The following FOXN3 variants were observed in gnomAD, a reference collection of about 807,000 sequenced individuals.
The protein encoded by FOXN3 is forkhead box N3, also known as forkhead box protein N3.
A neutral mutation model predicts 38.4 loss-of-function variants in FOXN3; 7 were observed. The observed-to-expected ratio is 0.18, with a 90% CI of 0.10 to 0.34. FOXN3 has a LOEUF of 0.34. Among genes scored for constraint, FOXN3 ranks in the 10% least tolerant of loss-of-function variants. FOXN3 has a pLI of 1.00. For synonymous variants in FOXN3, 230 were observed against 242.2 expected (o/e 0.95, Z 0.47); for missense variants, 456 against 613.4 (o/e 0.74, Z 2.71).
Position 89,284,500 on chromosome 14 carries a change from A to T in FOXN3, c.681-3486T>A, listed in dbSNP as rs145002972. ...AGCTTTCCTCTTCTGCTCTTCCAGC[A>T]CTAAACTCTTAGTCATCCTTCCCTG... On this transcript the variant is annotated intron_variant, in intron 3 of 5. Coordinates refer to ENST00000557258, the MANE Select transcript of FOXN3 (RefSeq NM_005197.4). 6.6e-6 allele frequency: 3 copies of T among 456,026 alleles called. No individual in the cohort carries two copies. The East Asian group carries it at 2.1e-4, about 32-fold the overall frequency. The allele number at this position is 456,026 out of a possible 1,614,324, so 28.2% of individuals were successfully genotyped here.
At chr14:89,437,924 A>C (rs1000830590) in intron 1 of FOXN3, among the ~76,000 whole-genome samples, 2 of 152,234 alleles carry the variant, frequency 1.3e-5, no homozygotes, top group Non-Finnish European at 2.9e-5. Flanking sequence ...TGGTTACTAC[A>C]TGACAGACAA....
chr14:89,410,868 G>A (rs1891523496), intron 2 of FOXN3, among the ~76,000 whole-genome samples: 1 of 149,854 alleles, frequency 6.7e-6, no homozygotes, highest in African/African-American at 2.5e-5. Flanking sequence ...GCAAGACCCT[G>A]GTCCCAAAAA....
At chr14:89,325,551 G>T (rs914724904) in intron 3 of FOXN3, among the ~76,000 whole-genome samples, 1 of 152,210 alleles carries the variant, frequency 6.6e-6, no homozygotes, top group African/African-American at 2.4e-5. Context: ...CACCCTCTTT[G>T]TTAAAGGGAA....
chr14:89,561,595 A>G (rs1895249708), intron 1 of FOXN3, among the ~76,000 whole-genome samples: 1 of 152,246 alleles, frequency 6.6e-6, no homozygotes, highest in African/African-American at 2.4e-5. Flanking sequence ...ACATATGTAC[A>G]ATAGTGAGCA....
At chr14:89,483,077 C>T (rs576463602) in intron 1 of FOXN3, among the ~76,000 whole-genome samples, 15 of 152,154 alleles carry the variant, frequency 9.9e-5, no homozygotes, top group Admixed American at 2.0e-4. Context: ...TGTGGTGGCG[C>T]GCTTCTGTAA....
chr14:89,156,438 C>T lies in FOXN3; in HGVS notation c.*5976G>A, dbSNP rs573591628. On this transcript the variant is annotated 3_prime_UTR_variant, in exon 6 of 6. Coordinates refer to ENST00000557258, the MANE Select transcript of FOXN3 (RefSeq NM_005197.4). ...TTTACATGAACATAACAGAACATCA[C>T]GTTCTTTCTCCTTTATGGTTCTCCC... 2.6e-5 allele frequency: 4 copies of T among 152,738 alleles called. No individual in the cohort carries two copies. The South Asian group carries it at 6.2e-4, about 24-fold the overall frequency. The allele number at this position is 152,738 out of a possible 1,614,324, so 9.5% of individuals were successfully genotyped here.
chr14:89,177,823 G>GC (rs1362512174), intron 5 of FOXN3, among the ~76,000 whole-genome samples: 2 of 151,980 alleles, frequency 1.3e-5, no homozygotes, highest in African/African-American at 2.4e-5. Flanking sequence ...CCTAGTCCCT[G>GC]CCCCCCACGC....
At chr14:89,539,443 T>C (rs1395933188) in intron 1 of FOXN3, among the ~76,000 whole-genome samples, 3 of 152,216 alleles carry the variant, frequency 2.0e-5, no homozygotes, top group Non-Finnish European at 4.4e-5. Context: ...CTCCCCTGTT[T>C]TTATTTTGCC....
chr14:89,538,394 C>T lies in FOXN3; in HGVS notation c.-15+80634G>A, dbSNP rs755271667. Among the ~76,000 whole-genome samples the T allele has an allele frequency of 6.0e-4, 91 of 152,312 alleles. 1 individual carries two copies. The highest frequency in any genetic ancestry group is 4.6e-4 in the Admixed American group (7 of 15,302). On this transcript the variant is annotated intron_variant, in intron 1 of 6. Coordinates refer to the FOXN3 transcript ENST00000345097. The stretch of plus-strand genomic sequence containing the variant: ...AGATAAGAAACAGGGCACTGATATT[C>T]CTGGTCTTGGAGGAGTCCAGGTAAA...
rs991755330 is a variant in FOXN3 at position 89,159,512 on chromosome 14, A to T, written c.*2902T>A. 1.3e-5 allele frequency: 2 copies of T among 152,698 alleles called. No homozygotes were observed. The highest frequency in any genetic ancestry group is 4.8e-5 in the African/African-American group (2 of 41,470). 9.5% of individuals were successfully genotyped at this position (152,698 alleles called of 1,614,324 possible). The stretch of plus-strand genomic sequence containing the variant: ...CTCTATTTCTCAAAGAGATCAGAAA[A>T]GTAAATCACACACATTGCATTTTAT... On this transcript the variant is annotated 3_prime_UTR_variant, in exon 6 of 6. Coordinates refer to ENST00000557258, the MANE Select transcript of FOXN3 (RefSeq NM_005197.4).
chr14:89,365,572 A>G (rs1302371024), intron 2 of FOXN3, among the ~76,000 whole-genome samples: 2 of 152,212 alleles, frequency 1.3e-5, no homozygotes, highest in Non-Finnish European at 2.9e-5. Flanking sequence ...CTCCCAAATT[A>G]GTTTTACCAC....
chr14:89,418,530 G>A (rs1356604752), upstream of FOXN3, among the ~76,000 whole-genome samples: 1 of 147,426 alleles, frequency 6.8e-6, no homozygotes, highest in Admixed American at 7.0e-5. Flanking sequence ...CTTCCAAGTT[G>A]TGTGGCATCT....
At chr14:89,183,990 T>C (rs141287854) in intron 4 of FOXN3, 98 of 152,302 alleles carry the variant, frequency 6.4e-4, no homozygotes, top group African/African-American at 2.2e-3. Flanking sequence ...GGCACGAGTA[T>C]TTGGAAAATA....
intron 4 of FOXN3, among the ~76,000 whole-genome samples, chr14:89,272,226 T>C (rs757444899): frequency 6.6e-6 from 1 of 152,080 alleles, no homozygotes; most frequent in African/African-American, 2.4e-5. Context: ...GGCAGGAGAA[T>C]CGCTTGAACC....
intron 1 of FOXN3, among the ~76,000 whole-genome samples, chr14:89,595,185 C>T (rs1306923721): frequency 6.6e-6 from 1 of 151,568 alleles, no homozygotes; most frequent in Non-Finnish European, 1.5e-5. Context: ...ATTAGCCGGG[C>T]ACGGTGGCAG....
At chr14:89,385,639 C>T (rs1369620381) in intron 2 of FOXN3, among the ~76,000 whole-genome samples, 2 of 152,026 alleles carry the variant, frequency 1.3e-5, no homozygotes, top group Non-Finnish European at 2.9e-5. Flanking sequence ...GAAACCCTGT[C>T]TCTACTAAAA....
At position 89,415,621 on chromosome 14, in the gene FOXN3, A is replaced by C. The variant is rs1056069721; in HGVS notation, c.-15+1250T>G. On this transcript the variant is annotated intron_variant, in intron 1 of 5. Transcript: ENST00000557258. ...ACAATAACCAAAAAAAAAAAAAAAA[A>C]AAAAAAAAAACAGTTCCCAGAAACC... Among the ~76,000 whole-genome samples, 29 of 136,198 alleles carry C rather than the reference A, an allele frequency of 2.1e-4. 1 individual carries two copies. In the Middle Eastern group the frequency reaches 0.016, roughly 74 times the overall value. The allele number at this position is 136,198 out of a possible 152,430, so 89.4% of individuals were successfully genotyped here.
At chr14:89,615,625 A>G (rs1896480790) in intron 1 of FOXN3, among the ~76,000 whole-genome samples, 1 of 152,244 alleles carries the variant, frequency 6.6e-6, no homozygotes, top group Admixed American at 6.5e-5. Context: ...TTGTAAAAAC[A>G]AGCAACTGAC....
chr14:89,615,328 A>G (rs1896475836), intron 1 of FOXN3, among the ~76,000 whole-genome samples: 1 of 152,224 alleles, frequency 6.6e-6, no homozygotes. Flanking sequence ...CAGCAGCTTC[A>G]GTGAGTGTGT....
Sources: allele counts gnomAD v4.1 joint callset (sites outside exome capture counted in the v4.1 genomes callset), GRCh38; gene constraint gnomAD v4.1.1; transcripts MANE v1.5; gene names NCBI Gene and HGNC (gene_info 2026-07-23, HGNC 2026-07-21).